SPAG17: variants seen among roughly 807,000 people sequenced by gnomAD.
The protein encoded by SPAG17 is sperm-associated antigen 17.
Under a neutral mutation model 273.6 loss-of-function variants are expected in SPAG17, and 169 were observed. The ratio of observed to expected loss-of-function variants is 0.62; its 90% CI spans 0.55 to 0.70. The LOEUF is 0.70. Among genes scored for constraint, SPAG17 ranks in the 30% least tolerant of loss-of-function variants. The probability of loss-of-function intolerance (pLI) is 0.00; values close to 1 mark genes in which losing one functional copy is unlikely to be tolerated. For missense variants in SPAG17, 2,557 were observed against 2,627.8 expected (o/e 0.97, Z 0.59); for synonymous variants, 825 against 873.2 (o/e 0.94, Z 0.97).
At chr1:118,117,631 CAG>C (rs1045142890) in intron 3 of SPAG17, among the ~76,000 whole-genome samples, 1 of 152,030 alleles carries the variant, frequency 6.6e-6, no homozygotes, top group African/African-American at 2.4e-5. Flanking sequence ...CATACAGACA[CAG>C]AGAGAGAGAG....
intron 3 of SPAG17, among the ~76,000 whole-genome samples, chr1:118,123,239 T>A (rs114106923): frequency 6.6e-6 from 1 of 152,290 alleles, no homozygotes; most frequent in African/African-American, 2.4e-5. Flanking sequence ...ATATTGTAGT[T>A]ATTGCATTAC....
chr1:118,150,957 TA>T (rs1418401648), intron 2 of SPAG17, among the ~76,000 whole-genome samples: 2 of 152,182 alleles, frequency 1.3e-5, no homozygotes, highest in Non-Finnish European at 2.9e-5. Flanking sequence ...TAACTTGAAT[TA>T]AATATTTTGT....
At chr1:118,116,991 G>A (rs1247117307) in intron 3 of SPAG17, among the ~76,000 whole-genome samples, 1 of 152,190 alleles carries the variant, frequency 6.6e-6, no homozygotes, top group Non-Finnish European at 1.5e-5. Context: ...CACGTGGAAG[G>A]GGATCCTAAG....
At chr1:118,039,575 T>C (rs1399802128) in intron 22 of SPAG17, 131 bp from the exon 23 acceptor site, 1 of 872,288 alleles carries the variant, frequency 1.1e-6, no homozygotes, top group African/African-American at 1.7e-5. Flanking sequence ...TGTTCTCACT[T>C]AGGAATGGCA....
At chr1:118,053,614 C>T (rs1236923357) in intron 20 of SPAG17, among the ~76,000 whole-genome samples, 2 of 151,802 alleles carry the variant, frequency 1.3e-5, no homozygotes, top group East Asian at 3.9e-4. Context: ...AAATACATTT[C>T]AGATAGATAT....
At chr1:117,971,051 C>T (rs1654491432) in intron 45 of SPAG17, among the ~76,000 whole-genome samples, 1 of 151,482 alleles carries the variant, frequency 6.6e-6, no homozygotes, top group Admixed American at 6.6e-5. Flanking sequence ...ATGCTTCTAT[C>T]GTTTTTTTTT....
rs1649819435 is a variant in SPAG17, at chr1:118,041,995, C to T, written c.2862G>A (p.Arg954=). Residue 954 remains arginine (R), a synonymous_variant, in exon 21 of 49, where the codon AGG becomes AGA. Transcript: ENST00000336338. ...QHRLAEEERL[R]EEKKAEKKGK... is the part of the protein sequence containing the mutation. Reference sequence around the variant, plus strand: ...CCTTCTTCTCTGCTTTCTTTTCTTCCCTTAAGCGCTCCTCTTCTGCTAATC... The same window carrying T: ...CCTTCTTCTCTGCTTTCTTTTCTTCTCTTAAGCGCTCCTCTTCTGCTAATC... 4 of 1,613,792 alleles carry T rather than the reference C, an allele frequency of 2.5e-6. No homozygotes were observed. The highest frequency in any genetic ancestry group is 1.3e-5 in the African/African-American group (1 of 74,874).
chr1:118,107,741 A>T (rs1370079278), intron 4 of SPAG17, among the ~76,000 whole-genome samples: 1 of 152,146 alleles, frequency 6.6e-6, no homozygotes, highest in African/African-American at 2.4e-5. Context: ...ATTACTAAAA[A>T]TTTGGAAAAA....
At chr1:118,090,264 C>T (rs779069993) in intron 10 of SPAG17, among the ~76,000 whole-genome samples, 1 of 152,150 alleles carries the variant, frequency 6.6e-6, no homozygotes, top group Non-Finnish European at 1.5e-5. Flanking sequence ...CACATAGAAC[C>T]TTCACAATGA....
chr1:118,076,864 A>T (rs552445730), intron 15 of SPAG17, among the ~76,000 whole-genome samples: 54 of 152,140 alleles, frequency 3.5e-4, no homozygotes, highest in African/African-American at 1.2e-3. Context: ...AATCTGTTTT[A>T]CTTTAGAGAT....
At chr1:118,175,187 C>T (rs1660633283) in intron 1 of SPAG17, among the ~76,000 whole-genome samples, 1 of 152,142 alleles carries the variant, frequency 6.6e-6, no homozygotes, top group Admixed American at 6.5e-5. Context: ...CGCACCACCA[C>T]ACCCAGTTAA....
intron 48 of SPAG17, among the ~76,000 whole-genome samples, chr1:117,956,499 A>G (rs1462610575): frequency 2.0e-5 from 3 of 152,206 alleles, no homozygotes; most frequent in Non-Finnish European, 2.9e-5. Context: ...GGAGGTTACA[A>G]TACATTTCAA....
In SPAG17 at chr1:118,025,245, G is replaced by T. The variant is rs1300783346; in HGVS notation, c.3902C>A (p.Ser1301Tyr). The T allele has an allele frequency of 6.2e-7, 1 of 1,613,280 alleles. No homozygotes were observed. Among genetic ancestry groups the T allele is most frequent in the Admixed American group, 1.7e-5 (1 of 59,884 alleles). Residue 1301 changes from serine (S) to tyrosine (Y), a missense_variant, in exon 27 of 49, where the codon TCC (serine) becomes TAC (tyrosine). Coordinates refer to ENST00000336338, the MANE Select transcript of SPAG17 (RefSeq NM_206996.4). ...TCTAACACATTCTTTTACCTGTGTGGATCCATCCAACATATATTTGACAAC... is the reference window on the plus strand; with the variant it reads ...TCTAACACATTCTTTTACCTGTGTGTATCCATCCAACATATATTTGACAAC... ...GTVVKYMLDG[S>Y]TQILFADGAV...
chr1:118,023,453 G>A lies in SPAG17; in HGVS notation c.3920C>T (p.Ala1307Val). Reference sequence around the variant, plus strand: ...GGGACTCCTGCTCACAGCACCATCTGCAAAGAGAATCTGAAGAATGAACAA... The same window carrying A: ...GGGACTCCTGCTCACAGCACCATCTACAAAGAGAATCTGAAGAATGAACAA... Reference protein sequence around the residue: ...MLDGSTQILFADGAVSRSPNS... With the variant: ...MLDGSTQILFVDGAVSRSPNS... The change falls in exon 28 of 49, where the codon GCA becomes GTA. Residue 1307 changes from alanine to valine, a missense_variant. Physicochemically the swap from Ala to Val is moderately conservative, Grantham distance 64. Coordinates refer to ENST00000336338, the MANE Select transcript of SPAG17 (RefSeq NM_206996.4). The A allele has an allele frequency of 6.2e-7, 1 of 1,604,056 alleles. No homozygotes were observed. The highest frequency in any genetic ancestry group is 1.3e-5 in the African/African-American group (1 of 74,716).
chr1:118,028,905 A>T (rs1648096058), intron 25 of SPAG17, among the ~76,000 whole-genome samples: 1 of 152,094 alleles, frequency 6.6e-6, no homozygotes, highest in Non-Finnish European at 1.5e-5. Context: ...TGATGGGAAC[A>T]CCTTTGCCTC....
intron 32 of SPAG17, among the ~76,000 whole-genome samples, chr1:118,001,160 T>C (rs1658239116): frequency 6.6e-6 from 1 of 152,164 alleles, no homozygotes. Context: ...CCTTGCATCC[T>C]GTGAATGAAG....
intron 47 of SPAG17, chr1:117,964,251 T>TC: frequency 5.1e-6 from 1 of 194,310 alleles, no homozygotes; most frequent in African/African-American, 2.3e-5. Flanking sequence ...TTTTTTTTTT[T>TC]TTGGTGGGGA....
intron 3 of SPAG17, among the ~76,000 whole-genome samples, chr1:118,119,144 C>T (rs1657271005): frequency 6.6e-6 from 1 of 152,210 alleles, no homozygotes; most frequent in East Asian, 1.9e-4. Context: ...TACATATGCA[C>T]ATTTATACAT....
At chr1:117,985,169 T>C (rs191283733) in intron 40 of SPAG17, among the ~76,000 whole-genome samples, 17 of 152,262 alleles carry the variant, frequency 1.1e-4, no homozygotes, top group African/African-American at 3.4e-4. Flanking sequence ...GTAGCAGTAG[T>C]AACAAAAAAA....
Sources: gnomAD v4.1 joint callset for allele counts (sites outside exome capture counted in the v4.1 genomes callset) on GRCh38, gnomAD v4.1.1 for gene constraint, MANE v1.5 for transcripts, NCBI Gene and HGNC (gene_info 2026-07-23, HGNC 2026-07-21) for gene names.